ZNF34: variants seen among roughly 807,000 people sequenced by gnomAD.
ZNF34 encodes the protein zinc finger protein 34 (KOX 32).
A neutral mutation model predicts 14.4 loss-of-function variants in ZNF34; 8 were observed. The ratio of observed to expected loss-of-function variants is 0.55; its 90% CI spans 0.33 to 1.00. The LOEUF (loss-of-function observed/expected upper bound fraction) is 1.00, where lower values mean the gene tolerates loss of function less well. ZNF34 is among the 50% of genes least tolerant of loss of function. The pLI is 0.03. For missense variants in ZNF34, 538 were observed against 674.2 expected (o/e 0.80, Z 2.24); for synonymous variants, 235 against 247.9 (o/e 0.95, Z 0.49).
At chr8:144,774,662 A>G in intron 5 of ZNF34, 57 bp from the exon 6 acceptor site, 1 of 1,540,976 alleles carries the variant, frequency 6.5e-7, no homozygotes, top group South Asian at 1.3e-5. Flanking sequence ...GAAGGTAGGC[A>G]TGAGATGCTG....
In ZNF34 at chr8:144,777,720, T is replaced by C. The variant is rs1825610202; in HGVS notation, c.161-143A>G. The C allele has an allele frequency of 2.7e-6, 3 of 1,096,844 alleles. No individual in the cohort carries two copies. Among genetic ancestry groups the C allele is most frequent in the Non-Finnish European group, 3.8e-6 (3 of 780,886 alleles). The allele number at this position is 1,096,844 out of a possible 1,614,324, so 67.9% of individuals were successfully genotyped here. On this transcript the variant is annotated intron_variant, in intron 4 of 5. Transcript: ENST00000429371. This position sits in a 1 kb window ranked among gnomAD's most constrained non-coding sequence, Gnocchi z 4.8. ...GACACTCTCTGGAGGGCACTGAGATTGGGCTGGGGCAGTCCTGAGCATAAG... is the reference window on the plus strand; with the variant it reads ...GACACTCTCTGGAGGGCACTGAGATCGGGCTGGGGCAGTCCTGAGCATAAG...
intron 1 of ZNF34, among the ~76,000 whole-genome samples, chr8:144,783,246 C>T (rs1396051219): frequency 6.6e-6 from 1 of 152,068 alleles, no homozygotes; most frequent in Non-Finnish European, 1.5e-5. Context: ...GCTCAGGGAC[C>T]CTGGGGTTCC....
chr8:144,780,292 T>C lies in ZNF34; in HGVS notation c.-107-12A>G. 1.3e-6 allele frequency: 2 copies of C among 1,546,552 alleles called. No homozygotes were observed. The highest frequency in any genetic ancestry group is 1.7e-6 in the Non-Finnish European group (2 of 1,143,066). Reference sequence around the variant, plus strand: ...TGCAACTATTTGGCCTAAAATAAAATAACACAGAAAGGCTAAGTATTAGTT... The same window carrying C: ...TGCAACTATTTGGCCTAAAATAAAACAACACAGAAAGGCTAAGTATTAGTT... On this transcript the variant is annotated splice_polypyrimidine_tract_variant and intron_variant, in intron 1 of 5. Transcript: ENST00000429371.
chr8:144,776,363 G>A (rs1825514983), intron 5 of ZNF34, among the ~76,000 whole-genome samples: 1 of 151,046 alleles, frequency 6.6e-6, no homozygotes, highest in Non-Finnish European at 1.5e-5. Context: ...ACTTTGGGAG[G>A]CCAAGGTGGG....
intron 3 of ZNF34, 56 bp from the exon 4 acceptor site, chr8:144,778,220 G>A: frequency 3.8e-6 from 6 of 1,569,592 alleles, no homozygotes; most frequent in Non-Finnish European, 5.2e-6. Flanking sequence ...GCTGGTAGGG[G>A]CGGGGAGGCA....
chr8:144,778,071 T>A lies in ZNF34; in HGVS notation c.127A>T (p.Met43Leu). ...PAQRGLYRDVMLETYGNLVSL... is the reference protein window; with the variant it reads ...PAQRGLYRDVLLETYGNLVSL... Reference sequence around the variant, plus strand: ...ACTAGGTTCCCGTAGGTCTCCAGCATCACGTCCCTGTAGAGGCCCCTCTGA... The same window carrying A: ...ACTAGGTTCCCGTAGGTCTCCAGCAACACGTCCCTGTAGAGGCCCCTCTGA... The change falls in exon 4 of 6, where the codon ATG becomes TTG. Residue 43 changes from methionine to leucine, a missense_variant. Physicochemically the swap from Met to Leu is conservative, Grantham distance 15. Around this residue, in one of 3 missense-constraint regions of ZNF34, gnomAD observed 431 missense variants for 525.7 expected, o/e 0.82. Transcript: ENST00000429371. 5 of 1,614,014 alleles carry A rather than the reference T, an allele frequency of 3.1e-6. No individual in the cohort carries two copies. The highest frequency in any genetic ancestry group is 4.2e-6 in the Non-Finnish European group (5 of 1,179,934).
intron 1 of ZNF34, among the ~76,000 whole-genome samples, chr8:144,781,873 C>G (rs566676302): frequency 6.6e-6 from 1 of 152,286 alleles, no homozygotes; most frequent in East Asian, 1.9e-4. Context: ...AACAGGAAAG[C>G]CTGAAATAAA....
chr8:144,779,649 C>G lies in ZNF34; in HGVS notation c.-55+579G>C, dbSNP rs574336416. Among the ~76,000 whole-genome samples the G allele has an allele frequency of 6.6e-6, 1 of 152,216 alleles. No homozygotes were observed. The highest frequency in any genetic ancestry group is 2.1e-4 in the South Asian group (1 of 4,818). On this transcript the variant is annotated intron_variant, in intron 2 of 5. Transcript: ENST00000429371. The surrounding 1 kb of genome is among the most constrained non-coding windows in gnomAD (Gnocchi z 4.1). ...TTGTACAGATGGGGTTTTGCCCAGG[C>G]TGGTCTTGAACTCTTGAGCTCAAGC... is the stretch of plus-strand genomic sequence containing the variant.
At chr8:144,786,235 C>T (rs1005433903) in intron 1 of ZNF34, among the ~76,000 whole-genome samples, 3 of 151,894 alleles carry the variant, frequency 2.0e-5, no homozygotes, top group African/African-American at 7.2e-5. Flanking sequence ...ATCCCCCCCG[C>T]GCCTTGGCCT....
Position 144,774,386 on chromosome 8 carries a change from G to A in ZNF34, c.500C>T (p.Pro167Leu). The A allele has an allele frequency of 1.9e-6, 3 of 1,613,542 alleles. No individual in the cohort carries two copies. Among genetic ancestry groups the A allele is most frequent in the South Asian group, 1.1e-5 (1 of 91,040 alleles). The change falls in exon 6 of 6, where the codon CCT (proline) becomes CTT (leucine). Residue 167 changes from proline to leucine, a missense_variant. Coordinates refer to ENST00000429371, the MANE Select transcript of ZNF34 (RefSeq NM_001286769.2). Reference sequence around the variant, plus strand: ...TTTGTGAGGTCTCTGATCAGGAACAGGTCTTGACAGCAACCTGAGGTTTCC... The same window carrying A: ...TTTGTGAGGTCTCTGATCAGGAACAAGTCTTGACAGCAACCTGAGGTTTCC... ...SGGNLRLLSR[P>L]VPDQRPHKCD... is the part of the protein sequence containing the mutation.
Position 144,773,037 on chromosome 8 carries a change from C to A in ZNF34, c.*229G>T. 1 of 430,222 alleles carries A rather than the reference C, an allele frequency of 2.3e-6. No homozygotes were observed. 26.7% of individuals were successfully genotyped at this position (430,222 alleles called of 1,614,324 possible). On this transcript the variant is annotated 3_prime_UTR_variant, in exon 6 of 6. Coordinates refer to ENST00000429371, the MANE Select transcript of ZNF34 (RefSeq NM_001286769.2). The surrounding 1 kb of genome is among the most constrained non-coding windows in gnomAD (Gnocchi z 5.4). ...AAATCAGCAGCAATGAATTTTTTTTCTAAGTGGGAGAGATCACAGAAGCTT... is the reference window on the plus strand; with the variant it reads ...AAATCAGCAGCAATGAATTTTTTTTATAAGTGGGAGAGATCACAGAAGCTT...
At chr8:144,782,842 CAAAAAAAAAAA>C (rs548252812) in intron 1 of ZNF34, among the ~76,000 whole-genome samples, 9 of 22,966 alleles carry the variant, frequency 3.9e-4, no homozygotes, top group African/African-American at 6.2e-4. Flanking sequence ...AAGCCTATCT[CAAAAAAAAAAA>C]AAAAAAAAAA....
intron 1 of ZNF34, among the ~76,000 whole-genome samples, chr8:144,784,739 C>A (rs1826117981): frequency 6.6e-6 from 1 of 150,968 alleles, no homozygotes; most frequent in Admixed American, 6.6e-5. Flanking sequence ...GCCTGGGTGA[C>A]AGAGCAAGAC....
Position 144,773,894 on chromosome 8 carries a change from T to C in ZNF34, c.992A>G (p.Tyr331Cys), listed in dbSNP as rs1825325556. The change falls in exon 6 of 6, where the codon TAT (tyrosine) becomes TGT (cysteine). Residue 331 changes from tyrosine to cysteine, a missense_variant. Tyr to Cys is a radical substitution (Grantham distance 194). Around this residue, in one of 3 missense-constraint regions of ZNF34, gnomAD observed 431 missense variants for 525.7 expected, o/e 0.82. Transcript: ENST00000429371. This position sits in a 1 kb window ranked among gnomAD's most constrained non-coding sequence, Gnocchi z 5.4. ...KHFSAYSSLIYHQRIHTGEKP... is the reference protein window; with the variant it reads ...KHFSAYSSLICHQRIHTGEKP... ...CTCTCCGGTGTGGATTCTCTGGTGA[T>C]AAATCAGGGAAGAGTAGGCGCTAAA... 1 of 1,614,104 alleles carries C rather than the reference T, an allele frequency of 6.2e-7. No homozygotes were observed. The highest frequency in any genetic ancestry group is 1.1e-5 in the South Asian group (1 of 91,076).
chr8:144,777,600 G>T lies in ZNF34; in HGVS notation c.161-23C>A. 1 of 1,550,498 alleles carries T rather than the reference G, an allele frequency of 6.4e-7. No individual in the cohort carries two copies. The highest frequency in any genetic ancestry group is 8.7e-7 in the Non-Finnish European group (1 of 1,146,722). ...CTCCTGGGAAGGAGACAGGGACTGG[G>T]GTTGGTACCAAGGACACAGGGCAGC... On this transcript the variant is annotated intron_variant, in intron 4 of 5. Transcript: ENST00000429371. The surrounding 1 kb of genome is among the most constrained non-coding windows in gnomAD (Gnocchi z 4.8).
chr8:144,784,694 G>C (rs1826114716), intron 1 of ZNF34, among the ~76,000 whole-genome samples: 1 of 151,992 alleles, frequency 6.6e-6, no homozygotes, highest in Non-Finnish European at 1.5e-5. Flanking sequence ...GGAGGCGGAG[G>C]TTGCAGTGAG....
rs764590535 is a variant in ZNF34 at position 144,773,875 on chromosome 8, G to T, written c.1011C>A (p.Thr337=). 2.5e-6 allele frequency: 4 copies of T among 1,613,836 alleles called. No individual in the cohort carries two copies. The highest frequency in any genetic ancestry group is 3.4e-6 in the Non-Finnish European group (4 of 1,179,968). The change falls in exon 6 of 6, where the codon ACC becomes ACA. Residue 337 remains threonine, a synonymous_variant. Coordinates refer to ENST00000429371, the MANE Select transcript of ZNF34 (RefSeq NM_001286769.2). This position sits in a 1 kb window ranked among gnomAD's most constrained non-coding sequence, Gnocchi z 5.4. ...SSLIYHQRIH[T]GEKPYKCNDC... ...CATTACATTTATAGGGTTTCTCTCC[G>T]GTGTGGATTCTCTGGTGATAAATCA... is the stretch of plus-strand genomic sequence containing the variant.
At chr8:144,786,621 G>C (rs1826254106) in intron 1 of ZNF34, among the ~76,000 whole-genome samples, 2 of 151,680 alleles carry the variant, frequency 1.3e-5, no homozygotes, top group Admixed American at 6.6e-5. Flanking sequence ...GCGACAGAGC[G>C]AGACTCCGTC....
At position 144,779,034 on chromosome 8, in the gene ZNF34, G is replaced by C. The variant is rs541525122; in HGVS notation, c.-54-509C>G. On this transcript the variant is annotated intron_variant, in intron 2 of 5. Transcript: ENST00000429371. This position sits in a 1 kb window ranked among gnomAD's most constrained non-coding sequence, Gnocchi z 4.1. ...CCAAAGGGGGGAAGGCTGCCCTGCC[G>C]CTCCATAATCTAAGCCAAGGCATAA... Among the ~76,000 whole-genome samples, 1 of 152,052 alleles carries C rather than the reference G, an allele frequency of 6.6e-6. No homozygotes were observed. The highest frequency in any genetic ancestry group is 1.5e-5 in the Non-Finnish European group (1 of 68,024).
Sources: allele counts gnomAD v4.1 joint callset (sites outside exome capture counted in the v4.1 genomes callset), GRCh38; gene constraint gnomAD v4.1.1; regional missense constraint gnomAD v4.1.1; non-coding constraint Gnocchi (gnomAD v3.1); transcripts MANE v1.5; gene names NCBI Gene and HGNC (gene_info 2026-07-23, HGNC 2026-07-21).